The following PLS1 variants were observed in gnomAD, a reference collection of about 807,000 sequenced individuals.
PLS1 encodes plastin-1.
In PLS1, 32 loss-of-function variants were observed where a neutral mutation model predicts 73.7. That is an observed-to-expected ratio of 0.43 (90% CI 0.33 to 0.58). The LOEUF (loss-of-function observed/expected upper bound fraction) is 0.58, where lower values mean the gene tolerates loss of function less well. Among genes scored for constraint, PLS1 ranks in the 20% least tolerant of loss-of-function variants. The probability of loss-of-function intolerance (pLI) is 0.04; values close to 1 mark genes in which losing one functional copy is unlikely to be tolerated. For missense variants in PLS1, 633 were observed against 740.5 expected (o/e 0.85, Z 1.68); for synonymous variants, 217 against 261.3 (o/e 0.83, Z 1.63).
chr3:142,644,114 C>T (rs1374460842), intron 1 of PLS1, among the ~76,000 whole-genome samples: 1 of 152,160 alleles, frequency 6.6e-6, no homozygotes, highest in Non-Finnish European at 1.5e-5. Flanking sequence ...AGGTGTGAGC[C>T]ACTGCATCTG....
At chr3:142,660,276 C>A (rs924056352) in intron 1 of PLS1, among the ~76,000 whole-genome samples, 1 of 152,208 alleles carries the variant, frequency 6.6e-6, no homozygotes, top group East Asian at 1.9e-4. Context: ...CTGATACCAT[C>A]ACTCTCCCTG....
At chr3:142,653,358 C>T (rs1461762941) in intron 1 of PLS1, among the ~76,000 whole-genome samples, 1 of 133,102 alleles carries the variant, frequency 7.5e-6, no homozygotes, top group Non-Finnish European at 1.6e-5. Flanking sequence ...ACAATTAGGT[C>T]AGAAACTTTT....
At chr3:142,654,773 A>C (rs2037184290) in intron 1 of PLS1, 1 of 152,276 alleles carries the variant, frequency 6.6e-6, no homozygotes, top group South Asian at 2.1e-4. Context: ...AAAGAGGTAC[A>C]GCAAACAAGT....
intron 11 of PLS1, among the ~76,000 whole-genome samples, chr3:142,696,766 C>G (rs1251655766): frequency 7.3e-6 from 1 of 136,292 alleles, no homozygotes; most frequent in Non-Finnish European, 1.6e-5. Context: ...TAATACCATA[C>G]TAGACAGGAA....
intron 1 of PLS1, among the ~76,000 whole-genome samples, chr3:142,605,494 C>T (rs2036001506): frequency 1.3e-5 from 2 of 152,200 alleles, no homozygotes; most frequent in Non-Finnish European, 2.9e-5. Context: ...CTTCATCCTC[C>T]CCAGTAGCTG....
chr3:142,635,976 A>G (rs904965638), intron 1 of PLS1, among the ~76,000 whole-genome samples: 2 of 151,922 alleles, frequency 1.3e-5, no homozygotes, highest in Non-Finnish European at 2.9e-5. Context: ...TGCAGCCTTG[A>G]CCTCCTGGGC....
chr3:142,671,511 G>A (rs189982566), intron 4 of PLS1, among the ~76,000 whole-genome samples: 171 of 152,160 alleles, frequency 1.1e-3, no homozygotes, highest in Non-Finnish European at 1.8e-3. Context: ...CTAGGAATGG[G>A]GGAGAGGCTT....
chr3:142,599,192 ATAAAT>A (rs1157766378), intron 1 of PLS1, among the ~76,000 whole-genome samples: 2 of 151,604 alleles, frequency 1.3e-5, no homozygotes, highest in African/African-American at 4.8e-5. Context: ...AAATAAATAA[ATAAAT>A]AAATAAATAA....
chr3:142,677,272 T>G (rs964948093), intron 5 of PLS1, among the ~76,000 whole-genome samples: 1 of 152,192 alleles, frequency 6.6e-6, no homozygotes, highest in Admixed American at 6.5e-5. Flanking sequence ...AAACTTGGCT[T>G]CTTGGAGAAT....
chr3:142,609,203 T>C (rs2108544087), intron 1 of PLS1, among the ~76,000 whole-genome samples: 1 of 152,310 alleles, frequency 6.6e-6, no homozygotes, highest in East Asian at 1.9e-4. Context: ...AATATCAGAC[T>C]TTATGTATTA....
chr3:142,613,547 A>G (rs976015301), intron 1 of PLS1, among the ~76,000 whole-genome samples: 35 of 152,166 alleles, frequency 2.3e-4, no homozygotes, highest in African/African-American at 7.5e-4. Flanking sequence ...AGAAGGAAAG[A>G]GGTATGAAGG....
At chr3:142,691,998 ATCTGAATGACC>A (rs2038095177) in intron 10 of PLS1, among the ~76,000 whole-genome samples, 1 of 152,150 alleles carries the variant, frequency 6.6e-6, no homozygotes, top group Non-Finnish European at 1.5e-5. Flanking sequence ...CCACTATTTA[ATCTGAATGACC>A]TCTGTGAGCC....
chr3:142,695,095 T>G (rs1205023737), intron 11 of PLS1, among the ~76,000 whole-genome samples: 1 of 151,546 alleles, frequency 6.6e-6, no homozygotes, highest in Non-Finnish European at 1.5e-5. Context: ...TCTTTCTAAG[T>G]GTGGATGAGA....
At chr3:142,610,083 G>T (rs2108545365) in intron 1 of PLS1, among the ~76,000 whole-genome samples, 1 of 152,292 alleles carries the variant, frequency 6.6e-6, no homozygotes, top group South Asian at 2.1e-4. Context: ...TGGCCAAGCT[G>T]ATCTCGAATT....
chr3:142,709,943 G>GCCTATACTAGATGTTTTCA (rs1933043184), intron 14 of PLS1, among the ~76,000 whole-genome samples: 1 of 152,040 alleles, frequency 6.6e-6, no homozygotes, highest in African/African-American at 2.4e-5. Flanking sequence ...TTTGGCTAGA[G>GCCTATACTAGATGTTTTCA]CCTATACTAG....
chr3:142,600,906 ATATATATATATTTTTTT>A (rs2035909278), intron 1 of PLS1, among the ~76,000 whole-genome samples: 1 of 29,600 alleles, frequency 3.4e-5, no homozygotes, highest in Non-Finnish European at 5.2e-5. Context: ...ATATATATAT[ATATATATATATTTTTTT>A]TTTTTTTTTT....
At chr3:142,694,589 A>G (rs770003126) in intron 11 of PLS1, 42 bp downstream of exon 11, 4 of 1,200,058 alleles carry the variant, frequency 3.3e-6, no homozygotes, top group Admixed American at 3.6e-5. Flanking sequence ...TCAGGGTCCA[A>G]CTTTTCAAGT....
chr3:142,706,482 C>T (rs115012101), intron 14 of PLS1, among the ~76,000 whole-genome samples: 1,659 of 152,156 alleles, frequency 0.011, 31 homozygotes, highest in African/African-American at 0.037. Context: ...AGAAATAGGA[C>T]GGTTCCTAAG....
chr3:142,632,797 C>T (rs6802734), intron 1 of PLS1, among the ~76,000 whole-genome samples: 91,624 of 151,944 alleles, frequency 0.6, 28,291 homozygotes, highest in African/African-American at 0.73. Context: ...TGGGGTTTTA[C>T]CATGTTGGCC....
Sources: allele counts gnomAD v4.1 joint callset (sites outside exome capture counted in the v4.1 genomes callset), GRCh38; gene constraint gnomAD v4.1.1; transcripts MANE v1.5; gene names NCBI Gene and HGNC (gene_info 2026-07-23, HGNC 2026-07-21).